The following CNTN4 variants were observed in gnomAD, a reference collection of about 807,000 sequenced individuals.
CNTN4 encodes contactin-4.
A neutral mutation model predicts 122.5 loss-of-function variants in CNTN4; 77 were observed. That is an observed-to-expected ratio of 0.63 (90% CI 0.52 to 0.76). The LOEUF is 0.76. CNTN4 is among the 30% of genes least tolerant of loss of function. CNTN4 has a pLI of 0.00. For missense variants in CNTN4, 1,256 were observed against 1,259.1 expected, an observed-to-expected ratio of 1.00 and a Z score of 0.04; for synonymous variants, 512 against 447.0, an observed-to-expected ratio of 1.15 and a Z score of -1.83.
intron 14 of CNTN4, among the ~76,000 whole-genome samples, chr3:3,014,633 C>T (rs571506282): frequency 1.3e-5 from 2 of 151,562 alleles, no homozygotes; most frequent in African/African-American, 2.4e-5. Context: ...AGGATTCTGC[C>T]GCTCTCTGCT....
intron 13 of CNTN4, among the ~76,000 whole-genome samples, chr3:2,941,337 T>C (rs1021232534): frequency 2.6e-5 from 4 of 152,150 alleles, no homozygotes; most frequent in African/African-American, 9.6e-5. Context: ...GTAAACACCA[T>C]GTGTGTACTG....
At chr3:2,441,821 T>C (rs1478546863) in intron 3 of CNTN4, among the ~76,000 whole-genome samples, 1 of 152,156 alleles carries the variant, frequency 6.6e-6, no homozygotes, top group Non-Finnish European at 1.5e-5. Context: ...GTGTGCAGTA[T>C]ACAAAATGTT....
intron 2 of CNTN4, among the ~76,000 whole-genome samples, chr3:2,235,666 A>G (rs1402986677): frequency 1.3e-5 from 2 of 152,150 alleles, no homozygotes; most frequent in Non-Finnish European, 2.9e-5. Flanking sequence ...AGAGAACTAG[A>G]TTTCAGTAAA....
intron 4 of CNTN4, among the ~76,000 whole-genome samples, chr3:2,668,274 G>T (rs2084289224): frequency 6.6e-6 from 1 of 150,502 alleles, no homozygotes; most frequent in South Asian, 2.1e-4. Context: ...TCCTTGAGCA[G>T]TGGTTTGTAG....
intron 3 of CNTN4, among the ~76,000 whole-genome samples, chr3:2,463,617 G>T (rs909040663): frequency 6.6e-6 from 1 of 152,084 alleles, no homozygotes; most frequent in African/African-American, 2.4e-5. Context: ...AAATCAGCTG[G>T]GTGTGGTGGC....
At chr3:2,985,634 C>T (rs1694489489) in intron 13 of CNTN4, 1 of 152,346 alleles carries the variant, frequency 6.6e-6, no homozygotes, top group African/African-American at 2.4e-5. Flanking sequence ...GCCCAAAGGC[C>T]AAGACCTCCA....
At chr3:2,261,507 A>G (rs1360240998) in intron 2 of CNTN4, among the ~76,000 whole-genome samples, 1 of 152,192 alleles carries the variant, frequency 6.6e-6, no homozygotes, top group Non-Finnish European at 1.5e-5. Context: ...AAAGCTGTCC[A>G]GAAGAGAGAT....
chr3:2,833,398 A>G (rs1042193666), intron 7 of CNTN4, among the ~76,000 whole-genome samples: 1 of 152,238 alleles, frequency 6.6e-6, no homozygotes, highest in Non-Finnish European at 1.5e-5. Context: ...AAAGTATAAT[A>G]ATCAGAAAGC....
intron 13 of CNTN4, among the ~76,000 whole-genome samples, chr3:2,944,753 G>A (rs1034243098): frequency 7.9e-5 from 12 of 152,144 alleles, no homozygotes; most frequent in Non-Finnish European, 1.5e-4. Context: ...CTTAGATTGC[G>A]TGTCCTGAAA....
At chr3:2,452,255 C>T (rs193252631) in intron 3 of CNTN4, among the ~76,000 whole-genome samples, 3 of 152,090 alleles carry the variant, frequency 2.0e-5, no homozygotes, top group South Asian at 2.1e-4. Context: ...AAAATTAGGC[C>T]GTTGGGAAGG....
chr3:2,104,724 C>G (rs2032289488), intron 2 of CNTN4, among the ~76,000 whole-genome samples: 1 of 152,164 alleles, frequency 6.6e-6, no homozygotes, highest in Non-Finnish European at 1.5e-5. Flanking sequence ...TGGTGTCTAG[C>G]TGAGTGCCTG....
At chr3:2,219,289 C>T (rs1302330469) in intron 2 of CNTN4, among the ~76,000 whole-genome samples, 3 of 152,128 alleles carry the variant, frequency 2.0e-5, no homozygotes, top group Non-Finnish European at 4.4e-5. Flanking sequence ...GAAATACATA[C>T]ATATGTATAA....
Position 2,571,781 on chromosome 3 carries a change from T to A in CNTN4, c.55+223T>A, listed in dbSNP as rs1219047881. On this transcript the variant is annotated intron_variant, in intron 4 of 24. Transcript: ENST00000418658. ...TAGACACCGATGTTTCACCTGTCTA[T>A]CTGGTCCTTTTAGAGTCGTTTGAGC... Among the ~76,000 whole-genome samples, 8 of 152,328 alleles carry A rather than the reference T, an allele frequency of 5.3e-5. No individual in the cohort carries two copies. The East Asian group carries it at 1.5e-3, about 29-fold the overall frequency.
chr3:2,689,490 C>CT (rs1239955793), intron 4 of CNTN4, among the ~76,000 whole-genome samples: 3 of 152,102 alleles, frequency 2.0e-5, no homozygotes, highest in Admixed American at 2.0e-4. Flanking sequence ...ACTTGCCATT[C>CT]TTTTTTGTGA....
At chr3:2,799,329 CT>C (rs1559515894) in intron 6 of CNTN4, among the ~76,000 whole-genome samples, 1 of 152,094 alleles carries the variant, frequency 6.6e-6, no homozygotes, top group Non-Finnish European at 1.5e-5. Context: ...TGTGCAGAAA[CT>C]TTTAAATTAA....
At chr3:2,833,915 G>A (rs9883044) in intron 7 of CNTN4, among the ~76,000 whole-genome samples, 69,676 of 151,958 alleles carry the variant, frequency 0.46, 18,251 homozygotes, top group East Asian at 0.8. Flanking sequence ...CAAGGCAGGC[G>A]GATCACTTGA....
At chr3:2,430,839 C>T (rs1364775186) in intron 3 of CNTN4, among the ~76,000 whole-genome samples, 1 of 152,100 alleles carries the variant, frequency 6.6e-6, no homozygotes, top group Non-Finnish European at 1.5e-5. Context: ...CACAAGATAG[C>T]TCAAGAAGAC....
At chr3:2,620,856 T>A (rs901114084) in intron 4 of CNTN4, among the ~76,000 whole-genome samples, 4 of 152,208 alleles carry the variant, frequency 2.6e-5, no homozygotes, top group Non-Finnish European at 5.9e-5. Context: ...AAAATTAAAG[T>A]TGGTTAGGTG....
Position 2,409,572 on chromosome 3 carries a change from T to G in CNTN4, c.-89+70339T>G, listed in dbSNP as rs116326498. On this transcript the variant is annotated intron_variant, in intron 3 of 24. Transcript: ENST00000418658. ...TCTAGATATCTTTTCAATACTGCTA[T>G]AGTGGTTGCATTATAGCAATCATTA... 3.9e-3 allele frequency among the ~76,000 whole-genome samples: 593 copies of G among 152,262 alleles called. 4 individuals are homozygous for G. The highest frequency in any genetic ancestry group is 0.014 in the African/African-American group (580 of 41,552).
Sources: gnomAD v4.1 joint callset for allele counts (sites outside exome capture counted in the v4.1 genomes callset) on GRCh38, gnomAD v4.1.1 for gene constraint, MANE v1.5 for transcripts, NCBI Gene and HGNC (gene_info 2026-07-23, HGNC 2026-07-21) for gene names.